Variants in TLL1 observed in about 807,000 individuals in gnomAD.
TLL1 encodes tolloid like 1, also known as tolloid-like protein 1.
Under a neutral mutation model 128.2 loss-of-function variants are expected in TLL1, and 49 were observed. The ratio of observed to expected loss-of-function variants is 0.38; its 90% confidence interval spans 0.30 to 0.48. The LOEUF is 0.48. Ranked by LOEUF, TLL1 falls within the 20% of genes least tolerant of loss-of-function variation. The pLI is 0.96. For synonymous variants in TLL1, 454 were observed against 418.8 expected (o/e 1.08, Z -1.03); for missense variants, 1,123 against 1,242.0 (o/e 0.90, Z 1.44).
chr4:165,969,248 C>A (rs1271561030), intron 1 of TLL1, among the ~76,000 whole-genome samples: 1 of 151,962 alleles, frequency 6.6e-6, no homozygotes, highest in East Asian at 1.9e-4. Flanking sequence ...TAATTTGTTT[C>A]CTGATGGTTG....
intron 1 of TLL1, among the ~76,000 whole-genome samples, chr4:165,878,733 C>T (rs895924424): frequency 4.6e-5 from 7 of 152,042 alleles, no homozygotes; most frequent in African/African-American, 1.4e-4. Flanking sequence ...AACCTCTTCT[C>T]TTAGCTAGTT....
At chr4:166,009,948 T>TAA (rs1409872234) in intron 7 of TLL1, among the ~76,000 whole-genome samples, 1 of 151,418 alleles carries the variant, frequency 6.6e-6, no homozygotes, top group Admixed American at 6.6e-5. Context: ...TTGCAAAACG[T>TAA]AAACTCTATA....
intron 1 of TLL1, among the ~76,000 whole-genome samples, chr4:165,984,046 A>C (rs1736282691): frequency 6.6e-6 from 1 of 151,900 alleles, no homozygotes; most frequent in South Asian, 2.1e-4. Context: ...AAAAATGATA[A>C]TGTTTTAAAT....
chr4:165,884,260 T>C (rs1245302533), intron 1 of TLL1, among the ~76,000 whole-genome samples: 1 of 152,230 alleles, frequency 6.6e-6, no homozygotes, highest in African/African-American at 2.4e-5. Context: ...TAAGTTATTT[T>C]AATTTAGCAT....
chr4:166,064,678 A>G (rs1740490956), intron 15 of TLL1, among the ~76,000 whole-genome samples: 1 of 152,096 alleles, frequency 6.6e-6, no homozygotes, highest in Non-Finnish European at 1.5e-5. Context: ...TTATATTGCT[A>G]TTCCAAAGGA....
intron 1 of TLL1, among the ~76,000 whole-genome samples, chr4:165,919,330 T>C (rs923148298): frequency 7.0e-6 from 1 of 142,618 alleles, no homozygotes; most frequent in African/African-American, 2.6e-5. Flanking sequence ...CTGCAGTAAG[T>C]GGTGATCACA....
chr4:166,038,771 T>C (rs1040193202), intron 9 of TLL1, among the ~76,000 whole-genome samples: 2 of 152,190 alleles, frequency 1.3e-5, no homozygotes, highest in African/African-American at 4.8e-5. Context: ...AGAAACATAG[T>C]GACATCTGCC....
Position 165,989,571 on chromosome 4 carries a change from A to AT in TLL1, c.280+85dup, listed in dbSNP as rs1736541042. ...GAAGTGCTATAAATATTTTTGGATC[A>AT]TTTTTCATCTCCTGTTGATCAACTC... On this transcript the variant is annotated intron_variant, in intron 2 of 20. Transcript: ENST00000061240. 2.3e-5 allele frequency: 23 copies of AT among 1,009,288 alleles called. No homozygotes were observed. The South Asian group carries it at 2.8e-4, about 12-fold the overall frequency. The allele number at this position is 1,009,288 out of a possible 1,614,324, so 62.5% of individuals were successfully genotyped here. A position where few individuals can be genotyped will look rare whatever the true frequency, so the allele number is the denominator to read the frequency against.
rs562168675 is a variant in TLL1, at chr4:165,982,860, G to A, written c.170-6521G>A. Among the ~76,000 whole-genome samples the A allele has an allele frequency of 5.7e-4, 87 of 151,774 alleles. No homozygotes were observed. In the South Asian group the frequency reaches 0.014, roughly 24 times the overall value. On this transcript the variant is annotated intron_variant, in intron 1 of 20. Coordinates refer to ENST00000061240, the MANE Select transcript of TLL1 (RefSeq NM_012464.5). The stretch of plus-strand genomic sequence containing the variant: ...AACTTAATTCAAAAAGACGTATCAG[G>A]GTTGACTCCCACCCTGGCCACAAAC...
chr4:166,044,323 A>G (rs1312043382), intron 12 of TLL1: 4 of 1,515,692 alleles, frequency 2.6e-6, no homozygotes, highest in East Asian at 4.9e-5. Context: ...CTACTTACTG[A>G]GGGCAGTGAC....
chr4:165,931,043 A>G (rs1317623694), intron 1 of TLL1, among the ~76,000 whole-genome samples: 1 of 152,208 alleles, frequency 6.6e-6, no homozygotes, highest in Non-Finnish European at 1.5e-5. Context: ...CATTTAAAGT[A>G]GGATAATTGT....
chr4:165,924,831 T>A (rs1197264643), intron 1 of TLL1, among the ~76,000 whole-genome samples: 2 of 152,080 alleles, frequency 1.3e-5, no homozygotes, highest in Non-Finnish European at 2.9e-5. Context: ...GCTAATGACT[T>A]TAAGTTAAAG....
At chr4:165,976,221 T>C (rs1246125734) in intron 1 of TLL1, among the ~76,000 whole-genome samples, 1 of 152,062 alleles carries the variant, frequency 6.6e-6, no homozygotes, top group Non-Finnish European at 1.5e-5. Context: ...ATGCAAGAGA[T>C]CTATTGGAGC....
chr4:166,070,504 A>G (rs1379218869), intron 16 of TLL1, among the ~76,000 whole-genome samples: 3 of 151,970 alleles, frequency 2.0e-5, no homozygotes, highest in Non-Finnish European at 4.4e-5. Context: ...TGACTCTGCA[A>G]TTCTGAGAAC....
At chr4:166,054,292 C>T (rs1739897711) in intron 12 of TLL1, among the ~76,000 whole-genome samples, 1 of 152,004 alleles carries the variant, frequency 6.6e-6, no homozygotes, top group Non-Finnish European at 1.5e-5. Flanking sequence ...AACAGTAATC[C>T]CATATTATCA....
At chr4:165,926,930 C>A (rs896784286) in intron 1 of TLL1, among the ~76,000 whole-genome samples, 1 of 151,920 alleles carries the variant, frequency 6.6e-6, no homozygotes, top group Admixed American at 6.6e-5. Context: ...AATGTTACTC[C>A]TTTTTTCAAA....
intron 1 of TLL1, among the ~76,000 whole-genome samples, chr4:165,907,029 G>C (rs1245493282): frequency 6.6e-6 from 1 of 152,000 alleles, no homozygotes; most frequent in Non-Finnish European, 1.5e-5. Context: ...AACAAAACAG[G>C]CTCAAGAGAT....
chr4:165,937,265 T>C (rs531471075), intron 1 of TLL1, among the ~76,000 whole-genome samples: 15 of 152,318 alleles, frequency 9.8e-5, no homozygotes, highest in African/African-American at 3.4e-4. Context: ...ATGTGTTTGT[T>C]CAAATATGTC....
intron 7 of TLL1, among the ~76,000 whole-genome samples, chr4:166,012,501 A>G (rs1737741870): frequency 7.2e-6 from 1 of 139,074 alleles, no homozygotes; most frequent in African/African-American, 2.5e-5. Flanking sequence ...GAAAAAATCG[A>G]ACCCCAGAGG....
Sources: allele counts gnomAD v4.1 joint callset (sites outside exome capture counted in the v4.1 genomes callset), GRCh38; gene constraint gnomAD v4.1.1; transcripts MANE v1.5; gene names NCBI Gene and HGNC (gene_info 2026-07-23, HGNC 2026-07-21).